MED25: variants seen among roughly 807,000 people sequenced by gnomAD.
The protein encoded by MED25 is mediator of RNA polymerase II transcription subunit 25.
A neutral mutation model predicts 89.4 loss-of-function variants in MED25; 62 were observed. The ratio of observed to expected loss-of-function variants is 0.69; its 90% CI spans 0.57 to 0.86. The LOEUF is 0.86. Among genes scored for constraint, MED25 ranks in the 40% least tolerant of loss-of-function variants. The pLI is 0.00. For missense variants in MED25, 905 were observed against 1,005.2 expected, an observed-to-expected ratio of 0.90 and a Z score of 1.35; for synonymous variants, 449 against 427.9, an observed-to-expected ratio of 1.05 and a Z score of -0.61.
At chr19:49,838,991 AT>A (rs1388578022), downstream of MED25, 3 of 345,304 alleles carry the variant, frequency 8.7e-6, no homozygotes, top group Non-Finnish European at 1.7e-5. Context: ...TGAGACCGTT[AT>A]TTAAGTCTAA....
In MED25 at chr19:49,831,911, T is replaced by C; in HGVS notation, c.1231-25T>C. 2 of 1,609,172 alleles carry C rather than the reference T, an allele frequency of 1.2e-6. No homozygotes were observed. Among genetic ancestry groups the C allele is most frequent in the Non-Finnish European group, 1.7e-6 (2 of 1,175,524 alleles). On this transcript the variant is annotated intron_variant, in intron 10 of 17. Transcript: ENST00000312865. This position sits in a 1 kb window ranked among gnomAD's most constrained non-coding sequence, Gnocchi z 5.0. ...GACTGAGGCTTATGGCCCTTTTTAC[T>C]GACATGCTCTTTTTTCCCCCTCAGA...
In MED25 at chr19:49,830,487, TC is replaced by T. The variant is rs1188444457; in HGVS notation, c.820-21del. The T allele has an allele frequency of 6.2e-7, 1 of 1,611,716 alleles. No homozygotes were observed. Among genetic ancestry groups the T allele is most frequent in the East Asian group, 2.2e-5 (1 of 44,854 alleles). On this transcript the variant is annotated intron_variant, in intron 7 of 17. Transcript: ENST00000312865. This position sits in a 1 kb window ranked among gnomAD's most constrained non-coding sequence, Gnocchi z 4.6. Reference sequence around the variant, plus strand: ...GGGGCCATGGTCCTCACCAGTCCCTTCCCTTCTTCCCTTCTACCCACAGGTT... The same window carrying T: ...GGGGCCATGGTCCTCACCAGTCCCTTCCTTCTTCCCTTCTACCCACAGGTT...
At chr19:49,820,217 C>T (rs930652651) in intron 3 of MED25, among the ~76,000 whole-genome samples, 33 of 152,158 alleles carry the variant, frequency 2.2e-4, no homozygotes, top group African/African-American at 7.5e-4. Context: ...GACTCACGTC[C>T]AAAGACGGCC....
intron 4 of MED25, 149 bp from the exon 5 acceptor site, chr19:49,828,821 G>T (rs2074032892): frequency 1.4e-6 from 2 of 1,469,766 alleles, no homozygotes; most frequent in Admixed American, 2.0e-5. Context: ...AGAACCTCTT[G>T]GAGCCTCAGT....
chr19:49,832,766 T>C, intron 13 of MED25: 1 of 364,156 alleles, frequency 2.7e-6, no homozygotes, highest in Non-Finnish European at 5.3e-6. Flanking sequence ...AAACGTGTTC[T>C]ATCCCAGTTC....
intron 4 of MED25, 107 bp from the exon 5 acceptor site, chr19:49,828,863 T>C (rs2074033057): frequency 7.7e-6 from 12 of 1,559,680 alleles, no homozygotes; most frequent in African/African-American, 1.4e-5. Context: ...GCGTTGCTTC[T>C]GATTCCATGT....
At chr19:49,828,228 CAAA>C (rs35999270) in intron 3 of MED25, among the ~76,000 whole-genome samples, 1 of 115,724 alleles carries the variant, frequency 8.6e-6, no homozygotes, top group Admixed American at 9.1e-5. Flanking sequence ...GACTCCATCT[CAAA>C]AAAAAAAAAA....
At position 49,834,965 on chromosome 19, in the gene MED25, G is replaced by C; in HGVS notation, c.1483-21G>C. On this transcript the variant is annotated intron_variant, in intron 13 of 17. Transcript: ENST00000312865. The surrounding 1 kb of genome is among the most constrained non-coding windows in gnomAD (Gnocchi z 4.1). ...CCTCTTTCAGGGCCTGAATGGTTCTGAAGAGCTGTTGTCCACCCAGGCGGG... is the reference window on the plus strand; with the variant it reads ...CCTCTTTCAGGGCCTGAATGGTTCTCAAGAGCTGTTGTCCACCCAGGCGGG... 1 of 1,613,488 alleles carries C rather than the reference G, an allele frequency of 6.2e-7. No individual in the cohort carries two copies. The highest frequency in any genetic ancestry group is 8.5e-7 in the Non-Finnish European group (1 of 1,179,816).
In MED25 at chr19:49,835,137, A is replaced by G. The variant is rs2074086120; in HGVS notation, c.1634A>G (p.Lys545Arg). 2.5e-6 allele frequency: 4 copies of G among 1,613,972 alleles called. No homozygotes were observed. Among genetic ancestry groups the G allele is most frequent in the East Asian group, 4.5e-5 (2 of 44,864 alleles). The change falls in exon 14 of 18, where the codon AAG becomes AGG. Residue 545 changes from lysine (K) to arginine (R), a missense_variant. Around this residue, in one of 3 missense-constraint regions of MED25, gnomAD observed 133 missense variants for 220.2 expected, o/e 0.60. Transcript: ENST00000312865. The surrounding 1 kb of genome is among the most constrained non-coding windows in gnomAD (Gnocchi z 6.2). Reference protein sequence around the residue: ...NGIRQVITNHKQVQQQKLEQQ... With the variant: ...NGIRQVITNHRQVQQQKLEQQ... ...ATCCGGCAGGTCATCACCAACCACA[A>G]GCAGGTCCAGCAGCAGAAGCTGGAG...
rs758573961 is a variant in MED25 at position 49,818,574 on chromosome 19, T to C, written c.138T>C (p.Tyr46=). The change falls in exon 2 of 18, where the codon TAT becomes TAC. Residue 46 remains tyrosine (Y), a synonymous_variant. Coordinates refer to ENST00000312865, the MANE Select transcript of MED25 (RefSeq NM_030973.4). ...CTTTCACTTCCTACCCTCACAGGTA[T>C]TTTAATGGTGGTCCTCCTGCTGAGA... The part of the protein sequence containing the change: ...RKHYLLPAIE[Y]FNGGPPAETD... 6.2e-7 allele frequency: 1 copy of C among 1,614,198 alleles called. No homozygotes were observed. The highest frequency in any genetic ancestry group is 8.5e-7 in the Non-Finnish European group (1 of 1,180,040).
Position 49,830,009 on chromosome 19 carries a change from A to G in MED25, c.688+61A>G. 1.9e-6 allele frequency: 3 copies of G among 1,597,826 alleles called. No individual in the cohort carries two copies. Among genetic ancestry groups the G allele is most frequent in the Non-Finnish European group, 2.6e-6 (3 of 1,170,842 alleles). On this transcript the variant is annotated intron_variant, in intron 6 of 17. Transcript: ENST00000312865. The surrounding 1 kb of genome is among the most constrained non-coding windows in gnomAD (Gnocchi z 4.6). Reference sequence around the variant, plus strand: ...CGACGTGTTTCCCCAGCTCCCTCTGACTTGGATTTTGGATTTCTCTCCTTT... The same window carrying G: ...CGACGTGTTTCCCCAGCTCCCTCTGGCTTGGATTTTGGATTTCTCTCCTTT...
intron 3 of MED25, among the ~76,000 whole-genome samples, chr19:49,820,337 A>C (rs2073973634): frequency 6.6e-6 from 1 of 152,192 alleles, no homozygotes; most frequent in African/African-American, 2.4e-5. Context: ...CAGAACAAAA[A>C]CAGTTAATCA....
At chr19:49,838,875 G>A (rs2074116960), downstream of MED25, 3 of 403,346 alleles carry the variant, frequency 7.4e-6, no homozygotes, top group South Asian at 5.5e-5. Flanking sequence ...GTGGTACGCC[G>A]TTCCGGAATC....
chr19:49,822,806 C>T (rs1280657993), intron 3 of MED25, among the ~76,000 whole-genome samples: 1 of 151,936 alleles, frequency 6.6e-6, no homozygotes, highest in Non-Finnish European at 1.5e-5. Flanking sequence ...CGCCACCACA[C>T]CCAGCTAATT....
At chr19:49,818,732 G>A in intron 2 of MED25, 116 bp downstream of exon 2, 1 of 1,025,812 alleles carries the variant, frequency 9.7e-7, no homozygotes, top group Non-Finnish European at 1.5e-6. Flanking sequence ...AGGAGGGGCT[G>A]GGGGTCTGGA....
At chr19:49,826,063 G>A (rs1471789035) in intron 3 of MED25, among the ~76,000 whole-genome samples, 1 of 152,092 alleles carries the variant, frequency 6.6e-6, no homozygotes, top group South Asian at 2.1e-4. Context: ...TCTTGATGCC[G>A]GGCACAGTGG....
downstream of MED25, among the ~76,000 whole-genome samples, chr19:49,837,624 T>G (rs1231447218): frequency 6.6e-6 from 1 of 151,754 alleles, no homozygotes; most frequent in Non-Finnish European, 1.5e-5. Context: ...GTGGTGGCGG[T>G]GTCGGGGGCT....
chr19:49,818,534 T>C (rs2073955347), intron 1 of MED25, 37 bp from the exon 2 acceptor site: 1 of 1,614,098 alleles, frequency 6.2e-7, no homozygotes, highest in Non-Finnish European at 8.5e-7. Context: ...GCACAGTTTC[T>C]TGCCTGACTC....
chr19:49,838,294 A>G (rs1317310937), downstream of MED25: 2 of 292,188 alleles, frequency 6.8e-6, no homozygotes, highest in African/African-American at 2.2e-5. Context: ...AGGTTAATTC[A>G]CACACACACA....
Sources: allele counts gnomAD v4.1 joint callset (sites outside exome capture counted in the v4.1 genomes callset), GRCh38; gene constraint gnomAD v4.1.1; regional missense constraint gnomAD v4.1.1; non-coding constraint Gnocchi (gnomAD v3.1); transcripts MANE v1.5; gene names NCBI Gene and HGNC (gene_info 2026-07-23, HGNC 2026-07-21).